Variants in USP25 observed in about 807,000 individuals in gnomAD.
The protein encoded by USP25 is ubiquitin specific peptidase 25, also known as ubiquitin carboxyl-terminal hydrolase 25.
A neutral mutation model predicts 158.5 loss-of-function variants in USP25; 85 were observed. The ratio of observed to expected loss-of-function variants is 0.54; its 90% CI spans 0.45 to 0.64. The LOEUF (loss-of-function observed/expected upper bound fraction) is 0.64. USP25 is among the 30% of genes least tolerant of loss of function. The pLI is 0.00. For synonymous variants in USP25, 464 were observed against 460.4 expected, an observed-to-expected ratio of 1.01 and a Z score of -0.10; for missense variants, 1,242 against 1,327.3, an observed-to-expected ratio of 0.94 and a Z score of 1.00.
intron 21 of USP25, among the ~76,000 whole-genome samples, chr21:15,865,971 T>C (rs1443026690): frequency 3.3e-5 from 5 of 152,074 alleles, no homozygotes; most frequent in Admixed American, 2.0e-4. Context: ...CATTATTTTT[T>C]AAAAGTTTCA....
intron 1 of USP25, among the ~76,000 whole-genome samples, chr21:15,747,154 A>G (rs1165528454): frequency 6.6e-6 from 1 of 151,266 alleles, no homozygotes; most frequent in Non-Finnish European, 1.5e-5. Flanking sequence ...CTTTTTCTTT[A>G]TGATTTGAGG....
chr21:15,835,371 A>G (rs1056155117), intron 17 of USP25, among the ~76,000 whole-genome samples: 5 of 152,202 alleles, frequency 3.3e-5, no homozygotes, highest in Admixed American at 1.3e-4. Context: ...AAACGAATAC[A>G]TATTTCCAAC....
chr21:15,830,039 A>G (rs1478584496), intron 14 of USP25, among the ~76,000 whole-genome samples: 1 of 152,130 alleles, frequency 6.6e-6, no homozygotes, highest in Non-Finnish European at 1.5e-5. Flanking sequence ...GAACATCCCT[A>G]TCTGAACAAT....
intron 17 of USP25, among the ~76,000 whole-genome samples, chr21:15,834,977 C>T (rs1186956275): frequency 6.6e-6 from 1 of 152,208 alleles, no homozygotes; most frequent in Non-Finnish European, 1.5e-5. Flanking sequence ...TAGTTCCTTT[C>T]ATTTTTAAAA....
intron 23 of USP25, 91 bp downstream of exon 23, chr21:15,870,238 A>G: frequency 1.3e-6 from 1 of 791,132 alleles, no homozygotes; most frequent in Non-Finnish European, 2.0e-6. Flanking sequence ...GATTTTATTC[A>G]TACTCTGTAT....
intron 7 of USP25, among the ~76,000 whole-genome samples, 183 bp from the exon 8 acceptor site, chr21:15,808,626 A>T (rs1057018150): frequency 6.6e-6 from 1 of 151,934 alleles, no homozygotes; most frequent in African/African-American, 2.4e-5. Context: ...GTTTTTTCAA[A>T]TATCTTATAT....
chr21:15,872,010 TAC>T (rs2039906209), intron 23 of USP25, among the ~76,000 whole-genome samples: 1 of 130,012 alleles, frequency 7.7e-6, no homozygotes, highest in Non-Finnish European at 1.6e-5. Context: ...AAGAAAGAAA[TAC>T]TGTTTTTTTT....
At chr21:15,793,402 C>G (rs2035696696) in intron 5 of USP25, among the ~76,000 whole-genome samples, 1 of 147,264 alleles carries the variant, frequency 6.8e-6, no homozygotes, top group Admixed American at 6.7e-5. Context: ...CAATCTGTTT[C>G]TACCCTAAGT....
At chr21:15,869,606 G>A (rs965534146) in intron 22 of USP25, among the ~76,000 whole-genome samples, 1 of 152,048 alleles carries the variant, frequency 6.6e-6, no homozygotes, top group Non-Finnish European at 1.5e-5. Flanking sequence ...ACATATTTGC[G>A]AAGTTAAAAG....
intron 5 of USP25, among the ~76,000 whole-genome samples, chr21:15,796,699 T>C (rs2035877925): frequency 6.6e-6 from 1 of 151,420 alleles, no homozygotes; most frequent in Non-Finnish European, 1.5e-5. Context: ...ACTGTGACTC[T>C]AGTCTCCCTG....
intron 1 of USP25, among the ~76,000 whole-genome samples, chr21:15,755,968 G>A (rs1317938768): frequency 6.6e-6 from 1 of 152,094 alleles, no homozygotes; most frequent in Non-Finnish European, 1.5e-5. Context: ...AAATTCTTCC[G>A]GGCTCTGGGA....
rs1312718034 is a variant in USP25 at position 15,730,209 on chromosome 21, G to C, written c.-185G>C. 7.1e-6 allele frequency: 4 copies of C among 565,900 alleles called. No homozygotes were observed. Among genetic ancestry groups the C allele is most frequent in the South Asian group, 7.7e-5 (1 of 13,054 alleles). The allele number at this position is 565,900 out of a possible 1,614,324, so 35.1% of individuals were successfully genotyped here. On this transcript the variant is annotated 5_prime_UTR_variant, in exon 1 of 26. Coordinates refer to ENST00000400183, the MANE Select transcript of USP25 (RefSeq NM_001283041.3). ...CCGTGGCCCTCACAGTCGGCGTTTC[G>C]CCGCCTGCCCGCGGTGCCCGCGCAC...
intron 1 of USP25, among the ~76,000 whole-genome samples, chr21:15,752,086 A>G (rs897658884): frequency 6.6e-6 from 1 of 151,654 alleles, no homozygotes; most frequent in Non-Finnish European, 1.5e-5. Context: ...GGCATGCGCC[A>G]CCACGCCTGG....
intron 20 of USP25, among the ~76,000 whole-genome samples, chr21:15,856,391 G>C (rs1182462824): frequency 6.6e-6 from 1 of 152,150 alleles, no homozygotes. Context: ...ATATCCTAGA[G>C]AGATAGATGA....
chr21:15,872,249 T>C (rs961818255), intron 23 of USP25, among the ~76,000 whole-genome samples: 4 of 152,160 alleles, frequency 2.6e-5, no homozygotes, highest in Non-Finnish European at 4.4e-5. Context: ...CTACATGATC[T>C]TATTTTATCT....
chr21:15,832,806 C>A (rs1375734202), intron 16 of USP25, among the ~76,000 whole-genome samples: 2 of 151,996 alleles, frequency 1.3e-5, no homozygotes, highest in African/African-American at 4.8e-5. Context: ...ATCATGAGGT[C>A]AGGAGATCGA....
chr21:15,864,197 C>T, intron 20 of USP25, 71 bp from the exon 21 acceptor site: 1 of 1,221,710 alleles, frequency 8.2e-7, no homozygotes, highest in Non-Finnish European at 1.1e-6. Context: ...AAGAATTAAA[C>T]TCATAATATT....
At chr21:15,844,874 ATTTCCCCAT>A (rs2038505422) in intron 18 of USP25, among the ~76,000 whole-genome samples, 3 of 152,050 alleles carry the variant, frequency 2.0e-5, no homozygotes, top group African/African-American at 7.2e-5. Context: ...TTTTATAACC[ATTTCCCCAT>A]GTTGTAAACT....
At chr21:15,750,756 G>A (rs1414051241) in intron 1 of USP25, among the ~76,000 whole-genome samples, 2 of 151,794 alleles carry the variant, frequency 1.3e-5, no homozygotes, top group East Asian at 2.0e-4. Flanking sequence ...ACAGGTGCCC[G>A]CCACCACGTC....
Sources: allele counts gnomAD v4.1 joint callset (sites outside exome capture counted in the v4.1 genomes callset), GRCh38; gene constraint gnomAD v4.1.1; transcripts MANE v1.5; gene names NCBI Gene and HGNC (gene_info 2026-07-23, HGNC 2026-07-21).